Variants in FMN1 observed in about 807,000 individuals in gnomAD.
FMN1 encodes the protein formin-1.
In FMN1, 110 loss-of-function variants were observed where a neutral mutation model predicts 132.4. The observed-to-expected ratio is 0.83, with a 90% confidence interval of 0.71 to 0.97. The LOEUF is 0.97. Ranked by LOEUF, FMN1 falls within the 50% of genes least tolerant of loss-of-function variation. The pLI is 0.00. For missense variants in FMN1, 1,792 were observed against 1,705.3 expected (o/e 1.05, Z -0.90); for synonymous variants, 722 against 651.7 (o/e 1.11, Z -1.64).
chr15:33,082,301 G>A (rs968717041), intron 5 of FMN1, among the ~76,000 whole-genome samples: 1 of 151,934 alleles, frequency 6.6e-6, no homozygotes, highest in Non-Finnish European at 1.5e-5. Context: ...TCCAACTCCC[G>A]ACCTCAGGTG....
At chr15:32,817,828 T>C (rs191854085) in intron 17 of FMN1, among the ~76,000 whole-genome samples, 3 of 152,350 alleles carry the variant, frequency 2.0e-5, no homozygotes, top group Admixed American at 6.5e-5. Context: ...ATCATAACTG[T>C]CATCCTCAGA....
intron 10 of FMN1, among the ~76,000 whole-genome samples, chr15:32,922,036 ACTTAAT>A (rs1232277255): frequency 6.6e-6 from 1 of 152,158 alleles, no homozygotes; most frequent in African/African-American, 2.4e-5. Flanking sequence ...ATCCTCTCAG[ACTTAAT>A]CTTAACTTTT....
At chr15:32,890,934 C>A (rs776645361) in intron 15 of FMN1, among the ~76,000 whole-genome samples, 2 of 152,232 alleles carry the variant, frequency 1.3e-5, no homozygotes, top group Non-Finnish European at 2.9e-5. Flanking sequence ...AGATGAGGAT[C>A]CAGTTTCATT....
At chr15:33,107,692 G>C (rs2039539883) in intron 4 of FMN1, among the ~76,000 whole-genome samples, 1 of 152,002 alleles carries the variant, frequency 6.6e-6, no homozygotes, top group East Asian at 1.9e-4. Flanking sequence ...AGGCTTTCTT[G>C]TCACTGCCTT....
chr15:32,881,500 A>C (rs1367436247), intron 16 of FMN1, among the ~76,000 whole-genome samples: 2 of 152,224 alleles, frequency 1.3e-5, no homozygotes, highest in African/African-American at 4.8e-5. Context: ...ATGAGTGTTC[A>C]GTCCTTGATG....
intron 7 of FMN1, among the ~76,000 whole-genome samples, chr15:32,995,217 A>G (rs1448527205): frequency 2.0e-5 from 3 of 152,154 alleles, no homozygotes; most frequent in African/African-American, 4.8e-5. Context: ...AAACAAGTAG[A>G]AGTGTATTAC....
intron 6 of FMN1, among the ~76,000 whole-genome samples, chr15:33,040,708 C>T (rs942590611): frequency 3.3e-5 from 5 of 152,276 alleles, no homozygotes; most frequent in South Asian, 2.1e-4. Flanking sequence ...CAAGGGAAAT[C>T]CCCCAGGAGT....
At chr15:32,858,453 G>C (rs2059186547) in intron 16 of FMN1, among the ~76,000 whole-genome samples, 1 of 152,164 alleles carries the variant, frequency 6.6e-6, no homozygotes, top group Admixed American at 6.5e-5. Flanking sequence ...TCTGAGTCAA[G>C]GTCAGAATCA....
intron 4 of FMN1, among the ~76,000 whole-genome samples, chr15:33,090,290 CCTGA>C (rs773632991): frequency 2.0e-5 from 3 of 152,232 alleles, no homozygotes; most frequent in African/African-American, 4.8e-5. Flanking sequence ...CATGCTGAAA[CCTGA>C]CTTACACGAA....
At chr15:32,895,629 G>C (rs1255574900) in intron 15 of FMN1, among the ~76,000 whole-genome samples, 1 of 152,060 alleles carries the variant, frequency 6.6e-6, no homozygotes, top group Non-Finnish European at 1.5e-5. Flanking sequence ...AGAAAGGTTT[G>C]ATCAATTTAC....
intron 19 of FMN1, among the ~76,000 whole-genome samples, chr15:32,791,808 G>A (rs184475448): frequency 7.7e-4 from 118 of 152,272 alleles, no homozygotes; most frequent in Non-Finnish European, 1.5e-3. Flanking sequence ...TTGAAAGTTA[G>A]GGAGCCTAAG....
chr15:32,982,671 T>C (rs2032772566), intron 7 of FMN1, among the ~76,000 whole-genome samples: 1 of 152,082 alleles, frequency 6.6e-6, no homozygotes, highest in Admixed American at 6.5e-5. Flanking sequence ...ATGCAATCTG[T>C]TACAGGCCTC....
chr15:32,905,920 G>A (rs1311602763), intron 12 of FMN1, among the ~76,000 whole-genome samples: 3 of 152,068 alleles, frequency 2.0e-5, no homozygotes, highest in South Asian at 2.1e-4. Context: ...TCACCCTCCC[G>A]CAACTGAGCC....
At chr15:33,166,862 C>T (rs1252524991) in intron 3 of FMN1, among the ~76,000 whole-genome samples, 1 of 152,124 alleles carries the variant, frequency 6.6e-6, no homozygotes. Context: ...GGCTGTGTAA[C>T]CCAGCAAGGG....
intron 6 of FMN1, among the ~76,000 whole-genome samples, chr15:33,038,314 G>T (rs151075650): frequency 1.2e-4 from 19 of 152,170 alleles, no homozygotes; most frequent in African/African-American, 4.1e-4. Flanking sequence ...CTGATTTGCC[G>T]CCCTGCATCT....
In FMN1 at chr15:32,867,655, C is replaced by T. The variant is rs77479602; in HGVS notation, c.3836-10548G>A. 2.9e-3 allele frequency among the ~76,000 whole-genome samples: 448 copies of T among 152,238 alleles called. 1 individual carries two copies. The highest frequency in any genetic ancestry group is 0.01 in the African/African-American group (431 of 41,550). On this transcript the variant is annotated intron_variant, in intron 16 of 20. Coordinates refer to ENST00000616417, the MANE Select transcript of FMN1 (RefSeq NM_001277313.2). ...CTGCCCCCCGCTCCCTGTGCAAAGG[C>T]TAATTTTTTGTATTTTTAGTAGAGA...
intron 16 of FMN1, among the ~76,000 whole-genome samples, chr15:32,879,179 C>G (rs2059704813): frequency 6.6e-6 from 1 of 152,212 alleles, no homozygotes; most frequent in Admixed American, 6.5e-5. Context: ...AAATACTTAT[C>G]CCAGTTCCTT....
chr15:32,985,661 T>G (rs931360720), intron 7 of FMN1, among the ~76,000 whole-genome samples: 1 of 152,124 alleles, frequency 6.6e-6, no homozygotes, highest in Non-Finnish European at 1.5e-5. Context: ...GCTAAGTGCA[T>G]AGCTGACTGT....
intron 15 of FMN1, among the ~76,000 whole-genome samples, chr15:32,888,981 A>G (rs1253400521): frequency 6.6e-6 from 1 of 150,860 alleles, no homozygotes; most frequent in Non-Finnish European, 1.5e-5. Flanking sequence ...AGTTCAGCCT[A>G]TTAGCTGGGA....
Sources: allele counts gnomAD v4.1 joint callset (sites outside exome capture counted in the v4.1 genomes callset), GRCh38; gene constraint gnomAD v4.1.1; transcripts MANE v1.5; gene names NCBI Gene and HGNC (gene_info 2026-07-23, HGNC 2026-07-21).